HSD17B12: variants seen among roughly 807,000 people sequenced by gnomAD.
HSD17B12 encodes very-long-chain 3-oxoacyl-CoA reductase.
HSD17B12 carries 32 observed loss-of-function variants against 39.3 expected under a neutral mutation model. That is an observed-to-expected ratio of 0.81 (90% CI 0.61 to 1.09). HSD17B12 has a LOEUF of 1.09. Ranked by LOEUF, HSD17B12 falls within the 50% of genes least tolerant of loss-of-function variation. The pLI is 0.00. For missense variants in HSD17B12, 342 were observed against 382.9 expected (o/e 0.89, Z 0.89); for synonymous variants, 150 against 146.7 (o/e 1.02, Z -0.16).
At chr11:43,726,418 G>A (rs997615729) in intron 1 of HSD17B12, among the ~76,000 whole-genome samples, 5 of 152,172 alleles carry the variant, frequency 3.3e-5, no homozygotes, top group African/African-American at 4.8e-5. Context: ...AATTGAGGGC[G>A]TTAGTAGGGC....
chr11:43,596,947 G>T, the HSD17B12 span, among the ~76,000 whole-genome samples: 3 of 152,180 alleles, frequency 2.0e-5, no homozygotes, highest in African/African-American at 7.2e-5. Context: ...ATTTATGAAC[G>T]CCTGAAATGT....
chr11:43,619,230 T>TATATATATATAAAATATATATATG, the HSD17B12 span, among the ~76,000 whole-genome samples: 23 of 18,922 alleles, frequency 1.2e-3, no homozygotes, highest in African/African-American at 3.6e-3. Context: ...ATATATATGA[T>TATATATATATAAAATATATATATG]ATATATATAT....
chr11:43,669,731 C>CTAAATCTCTCTCTTTTTATAAGGA, the HSD17B12 span, among the ~76,000 whole-genome samples: 1 of 152,186 alleles, frequency 6.6e-6, no homozygotes, highest in Non-Finnish European at 1.5e-5. Context: ...TTGTGTTTCT[C>CTAAATCTCTCTCTTTTTATAAGGA]TAAATCTCTC....
chr11:43,836,802 G>A (rs947036223), intron 7 of HSD17B12, among the ~76,000 whole-genome samples: 9 of 151,994 alleles, frequency 5.9e-5, no homozygotes, highest in Admixed American at 2.6e-4. Context: ...TTTTATGTTC[G>A]AATTGTTGGG....
At chr11:43,589,220 A>G in the HSD17B12 span, among the ~76,000 whole-genome samples, 1 of 152,050 alleles carries the variant, frequency 6.6e-6, no homozygotes, top group Admixed American at 6.6e-5. Flanking sequence ...TTCTGACTTT[A>G]CTTTTAACAT....
At chr11:43,659,908 A>AT in the HSD17B12 span, among the ~76,000 whole-genome samples, 3 of 152,084 alleles carry the variant, frequency 2.0e-5, no homozygotes, top group Non-Finnish European at 4.4e-5. Context: ...GCCAAAGTCA[A>AT]TTTTTTTACA....
the HSD17B12 span, among the ~76,000 whole-genome samples, chr11:43,612,422 G>A: frequency 6.6e-6 from 1 of 152,134 alleles, no homozygotes; most frequent in Non-Finnish European, 1.5e-5. Flanking sequence ...GGTTTGGTCT[G>A]GGCCAACCCA....
At chr11:43,637,040 A>G in the HSD17B12 span, among the ~76,000 whole-genome samples, 1 of 152,068 alleles carries the variant, frequency 6.6e-6, no homozygotes. Flanking sequence ...TGTTTACCTC[A>G]ATTTTCTTGT....
At chr11:43,684,451 A>G (rs1193622443) in intron 1 of HSD17B12, among the ~76,000 whole-genome samples, 1 of 152,250 alleles carries the variant, frequency 6.6e-6, no homozygotes, top group Non-Finnish European at 1.5e-5. Flanking sequence ...TACATTTTGC[A>G]AGTATTTGAG....
the HSD17B12 span, among the ~76,000 whole-genome samples, chr11:43,626,240 A>G: frequency 3.3e-5 from 5 of 151,808 alleles, no homozygotes. Context: ...AACTAAATAT[A>G]AAATTTTTAA....
chr11:43,583,815 T>C, the HSD17B12 span, among the ~76,000 whole-genome samples: 1 of 152,038 alleles, frequency 6.6e-6, no homozygotes, highest in Non-Finnish European at 1.5e-5. Context: ...GGAGGCCCTA[T>C]AGGAGAGGGA....
intron 9 of HSD17B12, among the ~76,000 whole-genome samples, chr11:43,841,377 C>T (rs1224368508): frequency 6.6e-6 from 1 of 152,136 alleles, no homozygotes; most frequent in South Asian, 2.1e-4. Flanking sequence ...TTTTTATTCA[C>T]AAAAGTTTTT....
chr11:43,801,865 T>C lies in HSD17B12; in HGVS notation c.391+3438T>C, dbSNP rs182407973. Among the ~76,000 whole-genome samples, 86 of 152,214 alleles carry C rather than the reference T, an allele frequency of 5.6e-4. 1 individual carries two copies. The highest frequency in any genetic ancestry group is 2.0e-3 in the African/African-American group (84 of 41,540). ...GGAATAGATAGCATGAAGTGGGGGA[T>C]AGTTTTCTGCATGAACTCAGTACTG... On this transcript the variant is annotated intron_variant, in intron 4 of 10. Coordinates refer to ENST00000278353, the MANE Select transcript of HSD17B12 (RefSeq NM_016142.3).
the HSD17B12 span, among the ~76,000 whole-genome samples, chr11:43,620,379 G>A: frequency 1.3e-5 from 2 of 152,140 alleles, no homozygotes; most frequent in African/African-American, 4.8e-5. Context: ...CAAGATCCGA[G>A]TTCTCATCAG....
At chr11:43,810,403 A>ATATATATAT (rs1565097561) in intron 4 of HSD17B12, among the ~76,000 whole-genome samples, 74 of 71,862 alleles carry the variant, frequency 1.0e-3, no homozygotes, top group South Asian at 2.2e-3. Context: ...ATATATATAT[A>ATATATATAT]AAATTCAGAA....
rs149875483 is a variant in HSD17B12 at position 43,795,606 on chromosome 11, T to C, written c.284-2714T>C. Among the ~76,000 whole-genome samples the C allele has an allele frequency of 6.5e-3, 994 of 152,252 alleles. 8 individuals carry two copies. Among genetic ancestry groups the C allele is most frequent in the Non-Finnish European group, 0.01 (706 of 68,024 alleles). On this transcript the variant is annotated intron_variant, in intron 3 of 10. Coordinates refer to ENST00000278353, the MANE Select transcript of HSD17B12 (RefSeq NM_016142.3). The stretch of plus-strand genomic sequence containing the variant: ...AAATTTTCTCTCTATAAAAGGGACA[T>C]ATCACAGAGACATACAATCTCTGCC...
the HSD17B12 span, among the ~76,000 whole-genome samples, chr11:43,573,568 C>T: frequency 3.3e-5 from 5 of 152,156 alleles, no homozygotes; most frequent in Non-Finnish European, 7.3e-5. Flanking sequence ...TCCAACGCTA[C>T]CTTACTTGTT....
chr11:43,622,548 T>C, the HSD17B12 span, among the ~76,000 whole-genome samples: 1 of 152,072 alleles, frequency 6.6e-6, no homozygotes, highest in Admixed American at 6.6e-5. Flanking sequence ...TTAGAATAAA[T>C]AGAAGAGGTA....
chr11:43,823,307 G>A (rs1951200818), intron 6 of HSD17B12, among the ~76,000 whole-genome samples: 3 of 152,020 alleles, frequency 2.0e-5, no homozygotes, highest in Admixed American at 2.0e-4. Flanking sequence ...GTATCACTCT[G>A]TCACCCAGGA....
Sources: gnomAD v4.1 joint callset for allele counts (sites outside exome capture counted in the v4.1 genomes callset) on GRCh38, gnomAD v4.1.1 for gene constraint, MANE v1.5 for transcripts, NCBI Gene and HGNC (gene_info 2026-07-23, HGNC 2026-07-21) for gene names.